SMYD3: variants seen among roughly 807,000 people sequenced by gnomAD.
The protein encoded by SMYD3 is SET and MYND domain containing 3, also known as histone-lysine N-methyltransferase SMYD3.
SMYD3 carries 36 observed loss-of-function variants against 57.7 expected under a neutral mutation model. The ratio of observed to expected loss-of-function variants is 0.62; its 90% CI spans 0.48 to 0.82. The LOEUF is 0.82. Among genes scored for constraint, SMYD3 ranks in the 40% least tolerant of loss-of-function variants. The pLI is 0.00. For synonymous variants in SMYD3, 211 were observed against 195.0 expected (o/e 1.08, Z -0.68); for missense variants, 515 against 538.8 (o/e 0.96, Z 0.44).
intron 10 of SMYD3, among the ~76,000 whole-genome samples, chr1:245,813,993 C>T (rs763740125): frequency 1.3e-5 from 2 of 150,706 alleles, no homozygotes; most frequent in East Asian, 1.9e-4. Flanking sequence ...TCACCTTTTC[C>T]GTATATTTTT....
chr1:245,944,434 A>C (rs2057366463), intron 5 of SMYD3, among the ~76,000 whole-genome samples: 1 of 152,236 alleles, frequency 6.6e-6, no homozygotes, highest in African/African-American at 2.4e-5. Context: ...ACAGCTAACA[A>C]GGAAAATAAA....
intron 5 of SMYD3, among the ~76,000 whole-genome samples, chr1:246,094,589 TA>T (rs1452651704): frequency 2.6e-5 from 4 of 152,206 alleles, no homozygotes; most frequent in African/African-American, 9.6e-5. Context: ...TCCAGACTTT[TA>T]AAGCCCTCTG....
At chr1:246,034,818 C>T (rs4654080) in intron 5 of SMYD3, among the ~76,000 whole-genome samples, 78,789 of 151,926 alleles carry the variant, frequency 0.52, 23,254 homozygotes, top group East Asian at 0.95. Flanking sequence ...ACTTTGCCGA[C>T]GCTGCAATGT....
chr1:246,277,681 C>T (rs1402237360), intron 5 of SMYD3, among the ~76,000 whole-genome samples: 1 of 152,094 alleles, frequency 6.6e-6, no homozygotes, highest in African/African-American at 2.4e-5. Flanking sequence ...CAATACAGAC[C>T]ACCGCTCAGT....
chr1:246,311,824 A>G (rs1297315610), intron 5 of SMYD3, among the ~76,000 whole-genome samples: 1 of 152,194 alleles, frequency 6.6e-6, no homozygotes, highest in Non-Finnish European at 1.5e-5. Flanking sequence ...CCCTACAGAC[A>G]TCTATATCTA....
intron 5 of SMYD3, chr1:246,026,201 T>C (rs2059572025): frequency 2.0e-5 from 3 of 152,190 alleles, no homozygotes; most frequent in African/African-American, 7.2e-5. Context: ...AAAAAGTTTC[T>C]CTTTCTTCAA....
intron 5 of SMYD3, among the ~76,000 whole-genome samples, chr1:246,159,023 C>T (rs1450477191): frequency 6.6e-6 from 1 of 151,778 alleles, no homozygotes; most frequent in African/African-American, 2.4e-5. Flanking sequence ...CAGAATACAC[C>T]ACGAGCGTGT....
intron 9 of SMYD3, among the ~76,000 whole-genome samples, chr1:245,863,052 C>T (rs766374948): frequency 3.9e-5 from 6 of 152,202 alleles, no homozygotes; most frequent in Non-Finnish European, 7.3e-5. Flanking sequence ...GTTCTTAGTG[C>T]CTGGGATATA....
At chr1:246,482,010 T>G (rs1467557632) in intron 1 of SMYD3, among the ~76,000 whole-genome samples, 1 of 151,420 alleles carries the variant, frequency 6.6e-6, no homozygotes, top group African/African-American at 2.4e-5. Flanking sequence ...TAAACAAAAT[T>G]AGCCAGGAAT....
chr1:246,307,413 CTTTTTTT>C (rs869254416), intron 5 of SMYD3, among the ~76,000 whole-genome samples: 4 of 96,068 alleles, frequency 4.2e-5, no homozygotes, highest in Non-Finnish European at 6.0e-5. Flanking sequence ...TTAGGGGATT[CTTTTTTT>C]TTTTTTTTTT....
At chr1:246,023,265 C>A (rs543641234) in intron 5 of SMYD3, among the ~76,000 whole-genome samples, 88 of 152,280 alleles carry the variant, frequency 5.8e-4, no homozygotes, top group African/African-American at 2.1e-3. Flanking sequence ...GCTGAAGGCA[C>A]CGAGGGAGAG....
chr1:245,833,073 A>AAAAAAACAAAAAAAC, intron 10 of SMYD3, among the ~76,000 whole-genome samples: 1 of 128,652 alleles, frequency 7.8e-6, no homozygotes, highest in Non-Finnish European at 1.6e-5. Flanking sequence ...AAAAAAAAAA[A>AAAAAAACAAAAAAAC]AACCTGCTTT....
intron 1 of SMYD3, among the ~76,000 whole-genome samples, chr1:246,487,987 C>G (rs1278804580): frequency 6.6e-6 from 1 of 152,190 alleles, no homozygotes; most frequent in Non-Finnish European, 1.5e-5. Context: ...AGCCACCACG[C>G]CTGGCCCTCC....
intron 8 of SMYD3, among the ~76,000 whole-genome samples, chr1:245,872,070 C>T (rs1210298884): frequency 1.3e-5 from 2 of 152,232 alleles, no homozygotes; most frequent in Non-Finnish European, 2.9e-5. Flanking sequence ...CATCCACAGG[C>T]ACAATCCCTG....
At chr1:246,142,833 A>G (rs1258678834) in intron 5 of SMYD3, among the ~76,000 whole-genome samples, 1 of 152,158 alleles carries the variant, frequency 6.6e-6, no homozygotes, top group African/African-American at 2.4e-5. Context: ...TACAAACACA[A>G]ATTGGCCAGA....
intron 1 of SMYD3, among the ~76,000 whole-genome samples, chr1:246,481,593 C>CATATATATATATATATAT (rs1200097586): frequency 0.018 from 500 of 27,908 alleles, 42 homozygotes; most frequent in Middle Eastern, 0.051. Flanking sequence ...TCTCAGGCTC[C>CATATATATATATATATAT]ATATATATAT....
intron 1 of SMYD3, among the ~76,000 whole-genome samples, chr1:246,503,599 TACCCAATTGTCA>T (rs1241404302): frequency 6.6e-6 from 1 of 152,196 alleles, no homozygotes; most frequent in African/African-American, 2.4e-5. Flanking sequence ...ACATAACTCA[TACCCAATTGTCA>T]ACCAACCTGT....
chr1:245,778,715 T>C (rs1179625279), intron 10 of SMYD3, among the ~76,000 whole-genome samples: 5 of 152,062 alleles, frequency 3.3e-5, no homozygotes, highest in Non-Finnish European at 7.4e-5. Context: ...AAATACAAAC[T>C]CGTAAAAATT....
intron 5 of SMYD3, among the ~76,000 whole-genome samples, chr1:246,308,798 A>G (rs2065028932): frequency 6.6e-6 from 1 of 152,228 alleles, no homozygotes. Context: ...ACTCAAAAAT[A>G]AAGATGGAAA....
Sources: gnomAD v4.1 joint callset for allele counts (sites outside exome capture counted in the v4.1 genomes callset) on GRCh38, gnomAD v4.1.1 for gene constraint, MANE v1.5 for transcripts, NCBI Gene and HGNC (gene_info 2026-07-23, HGNC 2026-07-21) for gene names.